The following DPYD variants were observed in gnomAD, a reference collection of about 807,000 sequenced individuals.
DPYD encodes the protein dihydropyrimidine dehydrogenase, also known as dihydropyrimidine dehydrogenase [NADP(+)].
In DPYD, 109 loss-of-function variants were observed where a neutral mutation model predicts 116.2. The observed-to-expected ratio is 0.94, with a 90% CI of 0.80 to 1.10. DPYD has a LOEUF of 1.10. DPYD is among the 50% of genes least tolerant of loss of function. DPYD has a pLI of 0.00. For missense variants in DPYD, 1,302 were observed against 1,254.5 expected (o/e 1.04, Z -0.57); for synonymous variants, 440 against 432.0 (o/e 1.02, Z -0.23).
intron 16 of DPYD, among the ~76,000 whole-genome samples, chr1:97,332,566 A>G (rs1417356106): frequency 6.6e-6 from 1 of 152,202 alleles, no homozygotes; most frequent in African/African-American, 2.4e-5. Flanking sequence ...CTCTGTCTTC[A>G]TGCTTGGGCA....
chr1:97,193,783 C>T (rs1193500855), intron 19 of DPYD, among the ~76,000 whole-genome samples: 1 of 77,226 alleles, frequency 1.3e-5, no homozygotes, highest in East Asian at 2.1e-3. Flanking sequence ...CCAGGTCTTT[C>T]CTTTCTTCCT....
At position 97,771,967 on chromosome 1, in the gene DPYD, A is replaced by C. The variant is rs188781453; in HGVS notation, c.234-31488T>G. ...CATTTCTTAATAAAAGGAAAAGGCT[A>C]TAAAATTTAGTAAGTAGAAAAATAA... On this transcript the variant is annotated intron_variant, in intron 3 of 22. Coordinates refer to ENST00000370192, the MANE Select transcript of DPYD (RefSeq NM_000110.4). 1.2e-3 allele frequency among the ~76,000 whole-genome samples: 185 copies of C among 152,314 alleles called. No individual in the cohort carries two copies. The Middle Eastern group carries it at 0.024, about 20-fold the overall frequency.
chr1:97,643,017 T>C (rs191822945), intron 8 of DPYD, among the ~76,000 whole-genome samples: 3,123 of 152,068 alleles, frequency 0.021, 109 homozygotes, highest in African/African-American at 0.072. Flanking sequence ...ATTCAGGACA[T>C]AGGCATGGAC....
At chr1:97,102,498 C>T (rs1208800453) in intron 20 of DPYD, among the ~76,000 whole-genome samples, 1 of 15,228 alleles carries the variant, frequency 6.6e-5, no homozygotes, top group African/African-American at 2.6e-4. Flanking sequence ...TATCTATCTC[C>T]TTTATACCTA....
intron 19 of DPYD, among the ~76,000 whole-genome samples, chr1:97,213,663 T>C (rs957338764): frequency 1.3e-5 from 2 of 152,198 alleles, no homozygotes; most frequent in African/African-American, 4.8e-5. Context: ...ATTTTACTAA[T>C]AAAATGTACC....
Position 97,173,080 on chromosome 1 carries a change from C to T in DPYD, c.2622+19989G>A, listed in dbSNP as rs188918186. On this transcript the variant is annotated intron_variant, in intron 20 of 22. Coordinates refer to ENST00000370192, the MANE Select transcript of DPYD (RefSeq NM_000110.4). ...TAATAAACAGAATTGGGTTTGCGTC[C>T]GGCTTCCACTAATAAATATCTAAAC... Among the ~76,000 whole-genome samples, 116 of 151,784 alleles carry T rather than the reference C, an allele frequency of 7.6e-4. 1 individual carries two copies. Among genetic ancestry groups the T allele is most frequent in the African/African-American group, 1.2e-3 (51 of 41,392 alleles).
At position 97,873,356 on chromosome 1, in the gene DPYD, G is replaced by A. The variant is rs558025611; in HGVS notation, c.150+9908C>T. Among the ~76,000 whole-genome samples the A allele has an allele frequency of 2.0e-5, 3 of 151,850 alleles. No individual in the cohort carries two copies. In the South Asian group the frequency reaches 6.2e-4, roughly 32 times the overall value. On this transcript the variant is annotated intron_variant, in intron 2 of 22. Transcript: ENST00000370192. The stretch of plus-strand genomic sequence containing the variant: ...GATGCAATAAATTAATTCTTTAAGG[G>A]GGTTCATTACTCCAGAAGGTAACTT...
intron 18 of DPYD, among the ~76,000 whole-genome samples, chr1:97,252,780 G>A (rs573359248): frequency 4.6e-5 from 7 of 152,092 alleles, no homozygotes; most frequent in Non-Finnish European, 7.4e-5. Context: ...TGTAAATAGG[G>A]CCAATGGTCA....
At chr1:97,302,608 A>G (rs972349892) in intron 18 of DPYD, among the ~76,000 whole-genome samples, 2 of 151,944 alleles carry the variant, frequency 1.3e-5, no homozygotes, top group African/African-American at 4.8e-5. Context: ...TTATCTTTCT[A>G]TAGTCTTATT....
At chr1:97,245,433 G>T (rs921029919) in intron 18 of DPYD, among the ~76,000 whole-genome samples, 57 of 151,942 alleles carry the variant, frequency 3.8e-4, no homozygotes, top group African/African-American at 1.4e-3. Context: ...ATAAATAGAA[G>T]AACTATTTAA....
At chr1:97,309,762 C>T (rs1230608545) in intron 16 of DPYD, among the ~76,000 whole-genome samples, 1 of 151,714 alleles carries the variant, frequency 6.6e-6, no homozygotes. Context: ...AGATTACTTG[C>T]TGCAGTAATG....
At chr1:97,363,995 A>G (rs1008305998) in intron 16 of DPYD, among the ~76,000 whole-genome samples, 2 of 152,208 alleles carry the variant, frequency 1.3e-5, no homozygotes, top group Non-Finnish European at 2.9e-5. Flanking sequence ...TGTTGCTACA[A>G]AAGACATTAT....
At chr1:97,229,219 A>T (rs1970141) in intron 19 of DPYD, among the ~76,000 whole-genome samples, 1 of 117,544 alleles carries the variant, frequency 8.5e-6, no homozygotes. Flanking sequence ...AAAAAAAAAA[A>T]GAAAAAAAAA....
At chr1:97,484,459 G>T (rs1272570095) in intron 13 of DPYD, among the ~76,000 whole-genome samples, 2 of 152,184 alleles carry the variant, frequency 1.3e-5, no homozygotes, top group Non-Finnish European at 2.9e-5. Flanking sequence ...CTAAATCCAT[G>T]TTTAGAAATC....
At chr1:97,300,349 A>G (rs976608678) in intron 18 of DPYD, among the ~76,000 whole-genome samples, 2 of 152,174 alleles carry the variant, frequency 1.3e-5, no homozygotes, top group African/African-American at 4.8e-5. Context: ...CTTATCGATC[A>G]AGATGATTAC....
intron 1 of DPYD, among the ~76,000 whole-genome samples, chr1:97,919,301 T>C (rs189186730): frequency 9.2e-5 from 14 of 152,268 alleles, no homozygotes; most frequent in South Asian, 2.1e-4. Context: ...TAGACTAAGG[T>C]TGAATTGAGT....
intron 13 of DPYD, among the ~76,000 whole-genome samples, chr1:97,489,086 A>C (rs937677822): frequency 6.6e-6 from 1 of 152,156 alleles, no homozygotes; most frequent in African/African-American, 2.4e-5. Flanking sequence ...CTGCATCATC[A>C]CCACTATTTG....
chr1:97,227,688 T>C (rs1393047442), intron 19 of DPYD, among the ~76,000 whole-genome samples: 2 of 152,060 alleles, frequency 1.3e-5, no homozygotes, highest in South Asian at 4.1e-4. Flanking sequence ...GAAGAACCCA[T>C]ATAATGGATT....
chr1:97,767,676 T>C lies in DPYD; in HGVS notation c.234-27197A>G, dbSNP rs141812565. 2.0e-3 allele frequency among the ~76,000 whole-genome samples: 311 copies of C among 151,824 alleles called. 1 individual carries two copies. The highest frequency in any genetic ancestry group is 6.5e-3 in the African/African-American group (267 of 41,386). ...AAGATAAGCAGAACAACCTACACAA[T>C]TCAGCCCTGACAGGATGCATAAGTA... On this transcript the variant is annotated intron_variant, in intron 3 of 22. Transcript: ENST00000370192.
Sources: allele counts gnomAD v4.1 joint callset (sites outside exome capture counted in the v4.1 genomes callset), GRCh38; gene constraint gnomAD v4.1.1; transcripts MANE v1.5; gene names NCBI Gene and HGNC (gene_info 2026-07-23, HGNC 2026-07-21).